The following RAD18 variants were observed in gnomAD, a reference collection of about 807,000 sequenced individuals.
RAD18 encodes the protein RAD18 E3 ubiquitin protein ligase, also known as E3 ubiquitin-protein ligase RAD18.
In RAD18, 47 loss-of-function variants were observed where a neutral mutation model predicts 60.4. The observed-to-expected ratio is 0.78, with a 90% confidence interval of 0.62 to 0.99. RAD18 has a LOEUF of 0.99. Ranked by LOEUF, RAD18 falls within the 50% of genes least tolerant of loss-of-function variation. RAD18 has a pLI of 0.00. For synonymous variants in RAD18, 225 were observed against 195.5 expected (o/e 1.15, Z -1.26); for missense variants, 640 against 593.3 (o/e 1.08, Z -0.82).
chr3:8,902,268 C>T (rs1169609373), intron 10 of RAD18, 112 bp downstream of exon 10: 1 of 1,023,340 alleles, frequency 9.8e-7, no homozygotes, highest in East Asian at 3.1e-5. Context: ...AATACTTTTT[C>T]TCATTTCAAA....
At chr3:8,923,883 C>T (rs1033056167) in intron 7 of RAD18, among the ~76,000 whole-genome samples, 5 of 152,158 alleles carry the variant, frequency 3.3e-5, no homozygotes, top group Non-Finnish European at 7.3e-5. Context: ...CTGTTACCAC[C>T]AGGCCTGCCC....
At chr3:8,887,684 C>A (rs964087745) in intron 12 of RAD18, among the ~76,000 whole-genome samples, 1 of 152,146 alleles carries the variant, frequency 6.6e-6, no homozygotes, top group Non-Finnish European at 1.5e-5. Flanking sequence ...ATTGAGCAAG[C>A]TCCAAGTCAA....
intron 8 of RAD18, 153 bp from the exon 9 acceptor site, chr3:8,912,525 T>C (rs561033027): frequency 4.3e-6 from 2 of 461,674 alleles, no homozygotes; most frequent in East Asian, 3.7e-5. Context: ...ATCATTCCTA[T>C]GTACTTCCCT....
intron 7 of RAD18, among the ~76,000 whole-genome samples, chr3:8,917,947 T>G (rs1209106862): frequency 6.6e-6 from 1 of 152,058 alleles, no homozygotes; most frequent in Non-Finnish European, 1.5e-5. Flanking sequence ...TAAACAGTCA[T>G]GAAAAGAAAC....
At chr3:8,928,876 A>T (rs1030672053) in intron 7 of RAD18, among the ~76,000 whole-genome samples, 1 of 152,210 alleles carries the variant, frequency 6.6e-6, no homozygotes, top group Non-Finnish European at 1.5e-5. Flanking sequence ...TAAATGTGAA[A>T]GGTCTGAAAT....
intron 12 of RAD18, among the ~76,000 whole-genome samples, chr3:8,883,961 T>G (rs1939514295): frequency 6.6e-6 from 1 of 152,134 alleles, no homozygotes; most frequent in African/African-American, 2.4e-5. Flanking sequence ...GTCTTGCAAG[T>G]AGAGTCTTCC....
chr3:8,928,549 T>C (rs1940490105), intron 7 of RAD18, among the ~76,000 whole-genome samples: 1 of 152,082 alleles, frequency 6.6e-6, no homozygotes. Flanking sequence ...GACAAAGACA[T>C]ATATGCCATA....
intron 9 of RAD18, 75 bp downstream of exon 9, chr3:8,912,234 CATT>C (rs1940116363): frequency 8.8e-7 from 1 of 1,137,354 alleles, no homozygotes; most frequent in Admixed American, 2.9e-5. Context: ...TAATATAAAA[CATT>C]ATTCTGAAAA....
Position 8,941,779 on chromosome 3 carries a change from C to G in RAD18, c.292G>C (p.Glu98Gln), listed in dbSNP as rs776721019. 6.2e-7 allele frequency: 1 copy of G among 1,613,096 alleles called. No individual in the cohort carries two copies. The change falls in exon 5 of 13, where the codon GAG becomes CAG. Residue 98 changes from glutamate to glutamine, a missense_variant. Physicochemically the swap from Glu to Gln is conservative, Grantham distance 29. Coordinates refer to ENST00000264926, the MANE Select transcript of RAD18 (RefSeq NM_020165.4). Reference sequence around the variant, plus strand: ...GAAGCAGGAGATTTGGCTGGTGACTCTAAAGCAAACTGCAGCAGATGATTC... The same window carrying G: ...GAAGCAGGAGATTTGGCTGGTGACTGTAAAGCAAACTGCAGCAGATGATTC... The part of the protein sequence containing the change: ...ARNHLLQFAL[E>Q]SPAKSPASSS...
At chr3:8,954,978 T>C (rs1022432847) in intron 2 of RAD18, among the ~76,000 whole-genome samples, 3 of 152,256 alleles carry the variant, frequency 2.0e-5, no homozygotes, top group Non-Finnish European at 4.4e-5. Flanking sequence ...AAAATCATCA[T>C]TACTGAAACT....
At chr3:8,945,800 A>G (rs1045965975) in intron 4 of RAD18, among the ~76,000 whole-genome samples, 4 of 152,188 alleles carry the variant, frequency 2.6e-5, no homozygotes, top group Non-Finnish European at 5.9e-5. Context: ...AAAGTTTAAA[A>G]AGGAAAAAAT....
intron 9 of RAD18, among the ~76,000 whole-genome samples, chr3:8,911,275 G>A (rs1341149388): frequency 2.6e-5 from 4 of 152,070 alleles, no homozygotes; most frequent in Non-Finnish European, 4.4e-5. Context: ...TTCTTAATAT[G>A]GGAGGATTAT....
At chr3:8,912,462 G>T in intron 8 of RAD18, 90 bp from the exon 9 acceptor site, 2 of 869,576 alleles carry the variant, frequency 2.3e-6, no homozygotes, top group Non-Finnish European at 3.5e-6. Flanking sequence ...AAATGTGAGT[G>T]TTTAAAATAG....
intron 7 of RAD18, among the ~76,000 whole-genome samples, chr3:8,919,469 G>C (rs142668837): frequency 1.1e-3 from 175 of 152,258 alleles, no homozygotes; most frequent in Non-Finnish European, 2.0e-3. Context: ...TGATCCAACA[G>C]GCAATTAATG....
chr3:8,927,582 A>C (rs1025073656), intron 7 of RAD18, among the ~76,000 whole-genome samples: 11 of 152,364 alleles, frequency 7.2e-5, no homozygotes, highest in Non-Finnish European at 1.5e-4. Flanking sequence ...AGGATTATAA[A>C]CCATGCTGCT....
At chr3:8,928,162 A>G (rs1431762973) in intron 7 of RAD18, among the ~76,000 whole-genome samples, 1 of 152,124 alleles carries the variant, frequency 6.6e-6, no homozygotes, top group African/African-American at 2.4e-5. Context: ...ATAGTAAACT[A>G]GAACAATCAC....
chr3:8,899,653 A>C (rs1939867651), intron 10 of RAD18, among the ~76,000 whole-genome samples: 1 of 152,130 alleles, frequency 6.6e-6, no homozygotes, highest in South Asian at 2.1e-4. Flanking sequence ...AAAAATAAAG[A>C]CCCCAAAAAG....
rs552837544 is a variant in RAD18 at position 8,931,892 on chromosome 3, G to A, written c.889+3979C>T. On this transcript the variant is annotated intron_variant, in intron 7 of 12. Transcript: ENST00000264926. ...GACAATGAGGGCAAAGTAATTCAAT[G>A]GGGAAAGGATAGTCTTTTTAACAAA... Among the ~76,000 whole-genome samples, 34 of 152,306 alleles carry A rather than the reference G, an allele frequency of 2.2e-4. 1 individual carries two copies. In the South Asian group the frequency reaches 5.8e-3, roughly 26 times the overall value.
intron 12 of RAD18, among the ~76,000 whole-genome samples, chr3:8,886,313 T>C (rs1381599896): frequency 6.6e-6 from 1 of 152,198 alleles, no homozygotes. Flanking sequence ...GGAGGAGGTA[T>C]AATGAGGCAT....
Sources: gnomAD v4.1 joint callset for allele counts (sites outside exome capture counted in the v4.1 genomes callset) on GRCh38, gnomAD v4.1.1 for gene constraint, MANE v1.5 for transcripts, NCBI Gene and HGNC (gene_info 2026-07-23, HGNC 2026-07-21) for gene names.